DACH1: variants seen among roughly 807,000 people sequenced by gnomAD.
The protein encoded by DACH1 is dachshund family transcription factor 1.
In DACH1, 12 loss-of-function variants were observed where a neutral mutation model predicts 54.2. That is an observed-to-expected ratio of 0.22 (90% CI 0.14 to 0.36). The LOEUF (loss-of-function observed/expected upper bound fraction) is 0.36, where lower values mean the gene tolerates loss of function less well. Ranked by LOEUF, DACH1 falls within the 10% of genes least tolerant of loss-of-function variation. The pLI is 1.00. For missense variants in DACH1, 805 were observed against 929.8 expected, an observed-to-expected ratio of 0.87 and a Z score of 1.75; for synonymous variants, 386 against 366.2, an observed-to-expected ratio of 1.05 and a Z score of -0.62.
chr13:71,655,931 G>A (rs1489018273), intron 2 of DACH1, among the ~76,000 whole-genome samples: 1 of 152,090 alleles, frequency 6.6e-6, no homozygotes, highest in African/African-American at 2.4e-5. Context: ...GGAAATTCTG[G>A]AACAGTCACA....
intron 1 of DACH1, among the ~76,000 whole-genome samples, chr13:71,691,808 T>C (rs59792310): frequency 0.027 from 4,086 of 152,326 alleles, 184 homozygotes; most frequent in African/African-American, 0.092. Context: ...GCTCATGGTC[T>C]ATTTTGGGAA....
In DACH1 at chr13:71,855,828, AG is replaced by A. The variant is rs1397177748; in HGVS notation, c.848+10093del. On this transcript the variant is annotated intron_variant, in intron 1 of 10. Transcript: ENST00000613252. ...ATCCTTATTTGGAAATGTTATTACA[AG>A]GAAAAGGTCCTAAAAAAGTTTCTTC... Among the ~76,000 whole-genome samples, 8 of 152,096 alleles carry A rather than the reference AG, an allele frequency of 5.3e-5. No individual in the cohort carries two copies. The East Asian group carries it at 1.5e-3, about 29-fold the overall frequency.
chr13:71,827,035 A>G (rs1358881349), intron 1 of DACH1, among the ~76,000 whole-genome samples: 1 of 152,108 alleles, frequency 6.6e-6, no homozygotes, highest in African/African-American at 2.4e-5. Context: ...TATTATTATT[A>G]TCTTGATAGT....
At chr13:71,818,203 G>T (rs920687710) in intron 1 of DACH1, among the ~76,000 whole-genome samples, 13 of 152,126 alleles carry the variant, frequency 8.5e-5, no homozygotes, top group African/African-American at 3.1e-4. Flanking sequence ...GAACTAGAAT[G>T]TTTGGCAATA....
Position 71,866,182 on chromosome 13 carries a change from G to C in DACH1, c.588C>G (p.Ala196=). 1 of 1,612,958 alleles carries C rather than the reference G, an allele frequency of 6.2e-7. No homozygotes were observed. Among genetic ancestry groups the C allele is most frequent in the Non-Finnish European group, 8.5e-7 (1 of 1,179,496 alleles). The change falls in exon 1 of 11, where the codon GCC becomes GCG. Residue 196 remains alanine, a synonymous_variant. Transcript: ENST00000613252. ...NECKMVDLRG[A]KVASFTVEGC... is the part of the protein sequence containing the mutation. ...CCTCCACCGTGAAGGAAGCCACTTT[G>C]GCCCCCCTCAGATCCACCATTTTGC...
intron 10 of DACH1, among the ~76,000 whole-genome samples, chr13:71,473,133 A>C (rs548480036): frequency 2.6e-5 from 4 of 152,330 alleles, no homozygotes; most frequent in Non-Finnish European, 4.4e-5. Context: ...ATTATCTGAT[A>C]AATATAATGA....
chr13:71,831,016 G>A (rs1888565694), intron 1 of DACH1, among the ~76,000 whole-genome samples: 1 of 152,004 alleles, frequency 6.6e-6, no homozygotes, highest in South Asian at 2.1e-4. Flanking sequence ...ATGGTAGGAT[G>A]CCTGATTATG....
chr13:71,740,916 C>T (rs1594163013), intron 1 of DACH1, among the ~76,000 whole-genome samples: 1 of 152,052 alleles, frequency 6.6e-6, no homozygotes, highest in Non-Finnish European at 1.5e-5. Context: ...ATCTACCTAC[C>T]TTTTAGCCTT....
At chr13:71,562,414 A>G (rs1884645149) in intron 4 of DACH1, among the ~76,000 whole-genome samples, 1 of 151,978 alleles carries the variant, frequency 6.6e-6, no homozygotes, top group Non-Finnish European at 1.5e-5. Context: ...AAGAGGAGAG[A>G]GAAAACAAGG....
intron 1 of DACH1, among the ~76,000 whole-genome samples, chr13:71,775,469 A>G (rs1886029448): frequency 6.6e-6 from 1 of 152,082 alleles, no homozygotes; most frequent in African/African-American, 2.4e-5. Context: ...GTACAATCGC[A>G]AAATGATTTA....
intron 2 of DACH1, among the ~76,000 whole-genome samples, chr13:71,631,623 C>G (rs995721210): frequency 2.6e-5 from 4 of 152,186 alleles, no homozygotes; most frequent in Admixed American, 2.0e-4. Flanking sequence ...ATCTTAATAA[C>G]CCTCTGTGAT....
chr13:71,535,680 C>T (rs1478866513), intron 6 of DACH1, among the ~76,000 whole-genome samples: 1 of 151,764 alleles, frequency 6.6e-6, no homozygotes, highest in Non-Finnish European at 1.5e-5. Context: ...TTAGCTTGTT[C>T]GTGCGCATAG....
At chr13:71,624,315 A>T (rs1566386886) in intron 3 of DACH1, among the ~76,000 whole-genome samples, 1 of 151,914 alleles carries the variant, frequency 6.6e-6, no homozygotes, top group African/African-American at 2.4e-5. Flanking sequence ...TAAAATATCC[A>T]CTAATGGGAC....
intron 2 of DACH1, among the ~76,000 whole-genome samples, chr13:71,651,729 TATATATATGTGTGC>T (rs1382427148): frequency 1.3e-4 from 20 of 152,106 alleles, no homozygotes; most frequent in African/African-American, 4.6e-4. Flanking sequence ...TATATGTGTG[TATATATATGTGTGC>T]ATATACATGA....
chr13:71,633,891 G>A (rs187041711), intron 2 of DACH1, among the ~76,000 whole-genome samples: 101 of 151,440 alleles, frequency 6.7e-4, no homozygotes, highest in African/African-American at 2.3e-3. Context: ...ATAATAGCAC[G>A]TCCCCCATCT....
At chr13:71,684,090 T>C (rs530618410) in intron 1 of DACH1, among the ~76,000 whole-genome samples, 1 of 152,204 alleles carries the variant, frequency 6.6e-6, no homozygotes, top group African/African-American at 2.4e-5. Context: ...ACCTTTCTAA[T>C]CTATTTTCTC....
At chr13:71,858,464 A>G in intron 1 of DACH1, among the ~76,000 whole-genome samples, 1 of 151,808 alleles carries the variant, frequency 6.6e-6, no homozygotes, top group East Asian at 1.9e-4. Flanking sequence ...CATGAAAATC[A>G]TGCTTTAAAA....
At chr13:71,861,816 A>G (rs1874374014) in intron 1 of DACH1, among the ~76,000 whole-genome samples, 1 of 151,354 alleles carries the variant, frequency 6.6e-6, no homozygotes, top group Admixed American at 6.6e-5. Context: ...ATATCAATGC[A>G]TAAGTCTGTG....
chr13:71,543,466 A>G (rs901699705), intron 6 of DACH1, among the ~76,000 whole-genome samples: 1 of 151,916 alleles, frequency 6.6e-6, no homozygotes, highest in Non-Finnish European at 1.5e-5. Context: ...ACATCAAAAA[A>G]CTCTTGATTC....
Sources: allele counts gnomAD v4.1 joint callset (sites outside exome capture counted in the v4.1 genomes callset), GRCh38; gene constraint gnomAD v4.1.1; transcripts MANE v1.5; gene names NCBI Gene and HGNC (gene_info 2026-07-23, HGNC 2026-07-21).